The following HTR1F variants were observed in gnomAD, a reference collection of about 807,000 sequenced individuals.
HTR1F encodes the protein 5-hydroxytryptamine (serotonin) receptor 1F, G protein-coupled.
HTR1F carries 17 observed loss-of-function variants against 24.0 expected under a neutral mutation model. The ratio of observed to expected loss-of-function variants is 0.71; its 90% confidence interval spans 0.48 to 1.06. The LOEUF is 1.06. Among genes scored for constraint, HTR1F ranks in the 50% least tolerant of loss-of-function variants. HTR1F has a pLI of 0.00. For missense variants in HTR1F, 391 were observed against 427.8 expected (o/e 0.91, Z 0.76); for synonymous variants, 186 against 156.8 (o/e 1.19, Z -1.39).
intron 2 of HTR1F, among the ~76,000 whole-genome samples, chr3:87,988,747 T>C (rs1221259331): frequency 1.3e-5 from 2 of 151,756 alleles, no homozygotes; most frequent in Non-Finnish European, 2.9e-5. Flanking sequence ...TTTTTTTTTT[T>C]TTTGTATTTT....
chr3:87,824,726 C>T (rs1486357360), intron 2 of HTR1F, among the ~76,000 whole-genome samples: 1 of 152,160 alleles, frequency 6.6e-6, no homozygotes, highest in Non-Finnish European at 1.5e-5. Context: ...GGTGTGCTTT[C>T]ATAAGCACAT....
chr3:87,952,307 A>G (rs1368039761), intron 2 of HTR1F, among the ~76,000 whole-genome samples: 3 of 152,004 alleles, frequency 2.0e-5, no homozygotes, highest in African/African-American at 7.2e-5. Flanking sequence ...CAGTTTTTAT[A>G]CCTGGGCTTA....
At chr3:87,806,337 C>A (rs574371925) in intron 1 of HTR1F, among the ~76,000 whole-genome samples, 19 of 152,120 alleles carry the variant, frequency 1.2e-4, no homozygotes, top group Non-Finnish European at 2.2e-4. Flanking sequence ...AGTGGCTATA[C>A]TAATTTACAT....
At chr3:87,933,002 A>G (rs1194899537) in intron 2 of HTR1F, among the ~76,000 whole-genome samples, 2 of 148,476 alleles carry the variant, frequency 1.3e-5, no homozygotes, top group African/African-American at 5.0e-5. Context: ...AAGCTTATCC[A>G]CCATGATCAA....
chr3:87,942,023 T>A (rs1190561315), intron 2 of HTR1F, among the ~76,000 whole-genome samples: 3 of 152,022 alleles, frequency 2.0e-5, no homozygotes, highest in South Asian at 2.1e-4. Context: ...GGAGGCAGAA[T>A]CCTTTAGTTC....
chr3:87,799,523 T>A (rs1223573290), intron 1 of HTR1F, among the ~76,000 whole-genome samples: 1 of 152,250 alleles, frequency 6.6e-6, no homozygotes, highest in Non-Finnish European at 1.5e-5. Context: ...TAGGTATTTA[T>A]TCTCAGCTAA....
intron 2 of HTR1F, among the ~76,000 whole-genome samples, chr3:87,895,886 A>G (rs1195037643): frequency 6.6e-6 from 1 of 152,214 alleles, no homozygotes; most frequent in Non-Finnish European, 1.5e-5. Flanking sequence ...AAAAAAAGAC[A>G]GGCAGGGAGA....
intron 2 of HTR1F, among the ~76,000 whole-genome samples, chr3:87,960,319 G>A (rs1705033839): frequency 6.6e-6 from 1 of 151,982 alleles, no homozygotes; most frequent in Admixed American, 6.6e-5. Context: ...AAAAGAAGTG[G>A]TCATTGTAAG....
intron 2 of HTR1F, among the ~76,000 whole-genome samples, chr3:87,921,849 C>T (rs921122258): frequency 6.6e-5 from 10 of 151,840 alleles, no homozygotes; most frequent in African/African-American, 2.4e-4. Context: ...TTTTACTTAA[C>T]AGAAAGCCTT....
chr3:87,806,390 C>T (rs571920798), intron 1 of HTR1F, among the ~76,000 whole-genome samples: 2 of 152,138 alleles, frequency 1.3e-5, no homozygotes, highest in African/African-American at 4.8e-5. Flanking sequence ...TGTTTCCTTA[C>T]CAGCATCTGT....
rs149433810 is a variant in HTR1F at position 87,929,537 on chromosome 3, C to A, written c.-42-61171C>A. On this transcript the variant is annotated intron_variant, in intron 2 of 2. Coordinates refer to ENST00000319595, the MANE Select transcript of HTR1F (RefSeq NM_001322209.2). The stretch of plus-strand genomic sequence containing the variant: ...GCATATGGGTAGCCAGTTATCCCAG[C>A]ATCATTTATTGAATAAGAGGTTGTG... Among the ~76,000 whole-genome samples the A allele has an allele frequency of 4.2e-3, 645 of 152,224 alleles. 6 individuals carry two copies. The highest frequency in any genetic ancestry group is 0.012 in the African/African-American group (517 of 41,542).
At chr3:87,895,454 A>G (rs1183333285) in intron 2 of HTR1F, among the ~76,000 whole-genome samples, 1 of 152,118 alleles carries the variant, frequency 6.6e-6, no homozygotes, top group African/African-American at 2.4e-5. Flanking sequence ...AAATATATAC[A>G]CACAAATAAT....
chr3:87,961,210 A>G (rs1705053542), intron 2 of HTR1F, among the ~76,000 whole-genome samples: 3 of 151,998 alleles, frequency 2.0e-5, no homozygotes, highest in Admixed American at 6.6e-5. Context: ...CCAATCAACA[A>G]TTATAGTAGT....
At chr3:87,895,385 G>C (rs116312572) in intron 2 of HTR1F, among the ~76,000 whole-genome samples, 2,434 of 152,096 alleles carry the variant, frequency 0.016, 53 homozygotes, top group African/African-American at 0.055. Flanking sequence ...TATATGAAAA[G>C]ATGCTCATAT....
rs1407004221 is a variant in HTR1F at position 87,993,500 on chromosome 3, A to C, written c.*1650A>C. The C allele has an allele frequency of 6.0e-6, 1 of 166,936 alleles. No homozygotes were observed. Among genetic ancestry groups the C allele is most frequent in the Non-Finnish European group, 1.5e-5 (1 of 68,110 alleles). The allele number at this position is 166,936 out of a possible 1,614,324, so 10.3% of individuals were successfully genotyped here. On this transcript the variant is annotated 3_prime_UTR_variant, in exon 3 of 3. Coordinates refer to ENST00000319595, the MANE Select transcript of HTR1F (RefSeq NM_001322209.2). ...AAAACTGATCGCATCTTGTTTAGAA[A>C]AATCAGAAATATTTCACAAAGAATG...
intron 1 of HTR1F, among the ~76,000 whole-genome samples, chr3:87,811,000 C>G (rs1704151526): frequency 6.6e-6 from 1 of 152,146 alleles, no homozygotes; most frequent in African/African-American, 2.4e-5. Context: ...GATAACTTGA[C>G]TTTGTTTTTA....
intron 2 of HTR1F, among the ~76,000 whole-genome samples, chr3:87,843,775 G>C (rs1028555141): frequency 2.0e-5 from 3 of 150,688 alleles, no homozygotes; most frequent in Non-Finnish European, 2.9e-5. Context: ...AGAATATGCG[G>C]TGTTTGGTTT....
chr3:87,882,079 C>T (rs546965452), intron 2 of HTR1F, among the ~76,000 whole-genome samples: 7 of 152,196 alleles, frequency 4.6e-5, no homozygotes, highest in Non-Finnish European at 7.3e-5. Flanking sequence ...CAAAAGAGGA[C>T]ATTTATGCAG....
chr3:87,805,154 C>T (rs1395415313), intron 1 of HTR1F, among the ~76,000 whole-genome samples: 3 of 150,820 alleles, frequency 2.0e-5, no homozygotes, highest in South Asian at 2.1e-4. Context: ...GCCTACATTG[C>T]TTTTAGTTAT....
Sources: gnomAD v4.1 joint callset for allele counts (sites outside exome capture counted in the v4.1 genomes callset) on GRCh38, gnomAD v4.1.1 for gene constraint, MANE v1.5 for transcripts, NCBI Gene and HGNC (gene_info 2026-07-23, HGNC 2026-07-21) for gene names.